PARL: variants seen among roughly 807,000 people sequenced by gnomAD.
PARL encodes presenilin associated rhomboid like, also known as presenilin-associated rhomboid-like protein, mitochondrial.
A neutral mutation model predicts 51.6 loss-of-function variants in PARL; 44 were observed. That is an observed-to-expected ratio of 0.85 (90% CI 0.67 to 1.10). The LOEUF (loss-of-function observed/expected upper bound fraction) is 1.10, where lower values mean the gene tolerates loss of function less well. Among genes scored for constraint, PARL ranks in the 50% least tolerant of loss-of-function variants. The pLI is 0.00. For synonymous variants in PARL, 172 were observed against 164.0 expected (o/e 1.05, Z -0.37); for missense variants, 441 against 469.5 (o/e 0.94, Z 0.56).
intron 5 of PARL, among the ~76,000 whole-genome samples, chr3:183,842,848 A>T (rs1729499507): frequency 7.4e-6 from 1 of 134,890 alleles, no homozygotes; most frequent in Non-Finnish European, 1.6e-5. Flanking sequence ...ACAAACATGG[A>T]AAACAAAAAC....
intron 4 of PARL, among the ~76,000 whole-genome samples, chr3:183,851,700 A>C (rs760540918): frequency 5.9e-5 from 9 of 152,170 alleles, no homozygotes; most frequent in East Asian, 1.9e-4. Flanking sequence ...ATAAAAAAAA[A>C]CTCAACAACC....
intron 4 of PARL, among the ~76,000 whole-genome samples, chr3:183,854,146 G>A (rs1730866944): frequency 6.6e-6 from 1 of 152,172 alleles, no homozygotes; most frequent in South Asian, 2.1e-4. Context: ...TCGGTAGGCT[G>A]AGACAGAATT....
At chr3:183,866,804 G>A (rs1372195562) in intron 2 of PARL, 39 bp from the exon 3 acceptor site, 2 of 1,375,160 alleles carry the variant, frequency 1.5e-6, no homozygotes, top group Admixed American at 1.7e-5. Flanking sequence ...AGATTTAAGA[G>A]GGAAATAGAT....
chr3:183,833,410 A>G, intron 9 of PARL, 82 bp downstream of exon 9: 1 of 849,564 alleles, frequency 1.2e-6, no homozygotes, highest in Non-Finnish European at 2.0e-6. Flanking sequence ...TGCCATGGGG[A>G]TGGGGGGTAG....
At chr3:183,875,855 G>C (rs996663755) in intron 1 of PARL, among the ~76,000 whole-genome samples, 2 of 152,286 alleles carry the variant, frequency 1.3e-5, no homozygotes, top group South Asian at 2.1e-4. Context: ...AGCTTCAAAG[G>C]ACAGGCTGAC....
chr3:183,840,769 T>TA, intron 6 of PARL, 129 bp from the exon 7 acceptor site: 1 of 603,498 alleles, frequency 1.7e-6, no homozygotes, highest in South Asian at 2.2e-5. Flanking sequence ...AGTGCAGTGG[T>TA]ACAATTTTGG....
chr3:183,844,466 A>T lies in PARL; in HGVS notation c.512-140T>A, dbSNP rs1041257044. 1.2e-4 allele frequency: 81 copies of T among 656,094 alleles called. No homozygotes were observed. In the South Asian group the frequency reaches 1.4e-3, roughly 12 times the overall value. 40.6% of individuals were successfully genotyped at this position (656,094 alleles called of 1,614,324 possible). ...GGGGATAGGGGGTGAGCCAAAAAAA[A>T]GCAAGTGAAATGAATGCTTTTAAAG... On this transcript the variant is annotated intron_variant, in intron 4 of 9. Coordinates refer to ENST00000317096, the MANE Select transcript of PARL (RefSeq NM_018622.7).
intron 6 of PARL, 120 bp from the exon 7 acceptor site, chr3:183,840,760 G>A (rs1191398023): frequency 6.6e-6 from 4 of 608,190 alleles, no homozygotes; most frequent in Non-Finnish European, 8.7e-6. Flanking sequence ...GGCTGCTGAA[G>A]TGCAGTGGTA....
In PARL at chr3:183,829,538, T is replaced by C; in HGVS notation, c.*60A>G. 6.2e-7 allele frequency: 1 copy of C among 1,614,064 alleles called. No homozygotes were observed. Among genetic ancestry groups the C allele is most frequent in the South Asian group, 1.1e-5 (1 of 91,072 alleles). ...GCATAGCCATGGTCACTCTAGCCGA[T>C]GTCTCCTGGGGCTCTCAGGCGGCAA... On this transcript the variant is annotated 3_prime_UTR_variant, in exon 10 of 10. Coordinates refer to ENST00000317096, the MANE Select transcript of PARL (RefSeq NM_018622.7).
intron 2 of PARL, 99 bp downstream of exon 2, chr3:183,867,766 C>T (rs556609254): frequency 1.3e-5 from 11 of 854,746 alleles, no homozygotes; most frequent in Admixed American, 8.5e-5. Context: ...TTGATCCCCC[C>T]TCTACCTGTC....
intron 4 of PARL, among the ~76,000 whole-genome samples, chr3:183,855,190 T>C (rs548936887): frequency 1.6e-4 from 25 of 151,996 alleles, no homozygotes; most frequent in Admixed American, 1.4e-3. Flanking sequence ...GGGAATGGGG[T>C]TTCTTTCTGG....
intron 4 of PARL, among the ~76,000 whole-genome samples, chr3:183,861,876 A>C (rs1731872874): frequency 6.6e-6 from 1 of 152,076 alleles, no homozygotes; most frequent in African/African-American, 2.4e-5. Context: ...CCCAGGTTCA[A>C]AATTCTCCTG....
chr3:183,882,334 TATAC>T (rs1734640493), intron 1 of PARL, among the ~76,000 whole-genome samples: 2 of 144,058 alleles, frequency 1.4e-5, no homozygotes, highest in Non-Finnish European at 3.0e-5. Context: ...TATACACATA[TATAC>T]ACACACATAT....
intron 1 of PARL, among the ~76,000 whole-genome samples, chr3:183,879,213 C>A (rs1207626874): frequency 6.6e-6 from 1 of 152,232 alleles, no homozygotes; most frequent in African/African-American, 2.4e-5. Context: ...ATGAGACACA[C>A]CAAGCCCACG....
intron 4 of PARL, among the ~76,000 whole-genome samples, chr3:183,850,005 C>T (rs576620635): frequency 4.6e-5 from 7 of 152,210 alleles, no homozygotes; most frequent in African/African-American, 1.7e-4. Context: ...AAAATCTGAA[C>T]AGACCAAGAG....
chr3:183,870,619 C>A (rs754503567), intron 1 of PARL, among the ~76,000 whole-genome samples: 7 of 152,158 alleles, frequency 4.6e-5, no homozygotes, highest in Non-Finnish European at 1.0e-4. Flanking sequence ...CTGCCCCACT[C>A]CAAGTGCATC....
At chr3:183,826,862 G>T, downstream of PARL, 1 of 765,866 alleles carries the variant, frequency 1.3e-6, no homozygotes, top group Non-Finnish European at 1.6e-6. Context: ...AAAGAGAGCA[G>T]CTCTCTTTTT....
chr3:183,826,852 A>G (rs527241260), downstream of PARL: 15 of 820,582 alleles, frequency 1.8e-5, no homozygotes, highest in South Asian at 7.8e-4. Flanking sequence ...TCTCGCAGGA[A>G]AAGAGAGCAG....
rs1732691736 is a variant in PARL, at chr3:183,867,732, T to C, written c.321+133A>G. 8.3e-6 allele frequency: 6 copies of C among 725,534 alleles called. No individual in the cohort carries two copies. In the East Asian group the frequency reaches 1.5e-4, roughly 18 times the overall value. 44.9% of individuals were successfully genotyped at this position (725,534 alleles called of 1,614,324 possible). On this transcript the variant is annotated intron_variant, in intron 2 of 9. Transcript: ENST00000317096. ...AAAAAAAAAATTCAGACTCTATAATTAGAATTCATGAGCCCAGCTCTTTTT... is the reference window on the plus strand; with the variant it reads ...AAAAAAAAAATTCAGACTCTATAATCAGAATTCATGAGCCCAGCTCTTTTT...
Sources: gnomAD v4.1 joint callset for allele counts (sites outside exome capture counted in the v4.1 genomes callset) on GRCh38, gnomAD v4.1.1 for gene constraint, MANE v1.5 for transcripts, NCBI Gene and HGNC (gene_info 2026-07-23, HGNC 2026-07-21) for gene names.